The following HSD17B6 variants were observed in gnomAD, a reference collection of about 807,000 sequenced individuals.
HSD17B6 encodes hydroxysteroid 17-beta dehydrogenase 6, also known as 17-beta-hydroxysteroid dehydrogenase type 6.
HSD17B6 carries 16 observed loss-of-function variants against 26.4 expected under a neutral mutation model. The observed-to-expected ratio is 0.61, with a 90% CI of 0.41 to 0.92. The LOEUF (loss-of-function observed/expected upper bound fraction) is 0.92. Among genes scored for constraint, HSD17B6 ranks in the 40% least tolerant of loss-of-function variants. The pLI is 0.00. For missense variants in HSD17B6, 357 were observed against 386.1 expected, an observed-to-expected ratio of 0.92 and a Z score of 0.63; for synonymous variants, 139 against 153.0, an observed-to-expected ratio of 0.91 and a Z score of 0.68.
intron 4 of HSD17B6, chr12:56,786,040 G>A (rs1954866052): frequency 3.0e-6 from 2 of 677,774 alleles, no homozygotes; most frequent in African/African-American, 2.0e-5. Context: ...TTGGGATGAT[G>A]AAAATGTTCT....
chr12:56,781,232 A>G (rs562534051), intron 2 of HSD17B6, among the ~76,000 whole-genome samples: 39 of 152,194 alleles, frequency 2.6e-4, no homozygotes, highest in African/African-American at 9.4e-4. Context: ...CTTATTAGAC[A>G]TATGTTACAT....
chr12:56,783,656 C>T (rs1203427246), intron 3 of HSD17B6, among the ~76,000 whole-genome samples: 1 of 118,854 alleles, frequency 8.4e-6, no homozygotes, highest in African/African-American at 3.6e-5. Context: ...CCCCCCACCT[C>T]CCTCTCGGAC....
In HSD17B6 at chr12:56,764,367, C is replaced by T. The variant is rs149289970; in HGVS notation, c.-20+953C>T. 6.3e-3 allele frequency among the ~76,000 whole-genome samples: 954 copies of T among 152,192 alleles called. 8 individuals are homozygous for T. Among genetic ancestry groups the T allele is most frequent in the Non-Finnish European group, 9.6e-3 (653 of 68,012 alleles). On this transcript the variant is annotated intron_variant, in intron 1 of 4. Transcript: ENST00000322165. ...TGTATTATATTGCAGAGAGAGAGGT[C>T]CTCGCTTGAGACAGAAGGAAGTTAA...
intron 2 of HSD17B6, among the ~76,000 whole-genome samples, chr12:56,778,395 C>T (rs1175324236): frequency 6.6e-6 from 1 of 152,020 alleles, no homozygotes; most frequent in Non-Finnish European, 1.5e-5. Flanking sequence ...TCCAGCGATT[C>T]TGCTGCCTCA....
At chr12:56,768,958 A>G (rs1214974320) in intron 1 of HSD17B6, among the ~76,000 whole-genome samples, 2 of 151,766 alleles carry the variant, frequency 1.3e-5, no homozygotes, top group African/African-American at 4.8e-5. Flanking sequence ...AGGCAAATGA[A>G]ACTGTGAGAG....
At position 56,787,279 on chromosome 12, in the gene HSD17B6, A is replaced by G; in HGVS notation, c.891A>G (p.Leu297=). The G allele has an allele frequency of 6.2e-7, 1 of 1,614,096 alleles. No individual in the cohort carries two copies. The highest frequency in any genetic ancestry group is 8.5e-7 in the Non-Finnish European group (1 of 1,180,006). The change falls in exon 5 of 5, where the codon TTA becomes TTG. Residue 297 remains leucine, a synonymous_variant. Coordinates refer to ENST00000322165, the MANE Select transcript of HSD17B6 (RefSeq NM_003725.4). ...TTTTCTTCATCCCTCTATCTTATTT[A>G]CCTACATCACTGGCAGACTACATTT... ...AKFFFIPLSY[L]PTSLADYILT...
At chr12:56,766,347 G>GTTGGTATC (rs1173474085) in intron 1 of HSD17B6, among the ~76,000 whole-genome samples, 1 of 151,868 alleles carries the variant, frequency 6.6e-6, no homozygotes, top group Non-Finnish European at 1.5e-5. Flanking sequence ...GAGTAGTCTT[G>GTTGGTATC]TTGGTATCTC....
chr12:56,785,566 G>A (rs1190291209), intron 4 of HSD17B6, among the ~76,000 whole-genome samples: 1 of 152,238 alleles, frequency 6.6e-6, no homozygotes, highest in Non-Finnish European at 1.5e-5. Flanking sequence ...CATGGTTGAG[G>A]AGGGGGACAT....
Position 56,787,247 on chromosome 12 carries a change from G to T in HSD17B6, c.859G>T (p.Ala287Ser), listed in dbSNP as rs1184173012. 6.2e-7 allele frequency: 1 copy of T among 1,614,132 alleles called. No homozygotes were observed. Among genetic ancestry groups the T allele is most frequent in the East Asian group, 2.2e-5 (1 of 44,888 alleles). ...AACTCGATATTCAGCTGGCTGGGAT[G>T]CTAAATTTTTCTTCATCCCTCTATC... The part of the protein sequence containing the change: ...PRTRYSAGWD[A>S]KFFFIPLSYL... The change falls in exon 5 of 5, where the codon GCT (alanine) becomes TCT (serine). Residue 287 changes from alanine (A) to serine (S), a missense_variant. Ala to Ser is a moderately conservative substitution (Grantham distance 99). Transcript: ENST00000322165.
intron 1 of HSD17B6, chr12:56,770,560 C>T (rs1039956514): frequency 1.3e-5 from 2 of 152,110 alleles, no homozygotes; most frequent in Non-Finnish European, 2.9e-5. Context: ...TGCTTTTTTT[C>T]TCTCAATTTT....
Position 56,764,223 on chromosome 12 carries a change from T to C in HSD17B6, c.-20+809T>C, listed in dbSNP as rs780285381. Among the ~76,000 whole-genome samples the C allele has an allele frequency of 6.6e-4, 100 of 152,214 alleles. 1 individual carries two copies. Among genetic ancestry groups the C allele is most frequent in the Middle Eastern group, 3.4e-3 (1 of 292 alleles). ...CATGGTGGATCAGTTCAGGGAGCCA[T>C]GTGCTGTTTACAGACTTGCTCTTAG... On this transcript the variant is annotated intron_variant, in intron 1 of 4. Transcript: ENST00000322165.
chr12:56,764,068 C>CAAAAAAAAAAAAAAA (rs71081400), intron 1 of HSD17B6, among the ~76,000 whole-genome samples: 33 of 74,308 alleles, frequency 4.4e-4, no homozygotes, highest in Non-Finnish European at 4.6e-4. Context: ...GACCGTGTCT[C>CAAAAAAAAAAAAAAA]AAAAAAAAAA....
chr12:56,783,272 C>A (rs1954770117), intron 3 of HSD17B6, among the ~76,000 whole-genome samples: 1 of 148,648 alleles, frequency 6.7e-6, no homozygotes, highest in Non-Finnish European at 1.5e-5. Flanking sequence ...GGGGGCTGAC[C>A]CCCCCACCTC....
intron 3 of HSD17B6, among the ~76,000 whole-genome samples, chr12:56,784,296 A>G (rs552036310): frequency 1.3e-5 from 2 of 151,940 alleles, no homozygotes; most frequent in African/African-American, 4.8e-5. Context: ...AGAGGCTGCA[A>G]TCTCGGCATT....
intron 2 of HSD17B6, among the ~76,000 whole-genome samples, chr12:56,776,945 T>A (rs1954606761): frequency 6.6e-6 from 1 of 152,256 alleles, no homozygotes; most frequent in South Asian, 2.1e-4. Flanking sequence ...ATTCTCTTTT[T>A]AAGTTCTATT....
chr12:56,776,585 C>T (rs749306125), intron 2 of HSD17B6, among the ~76,000 whole-genome samples: 1 of 152,172 alleles, frequency 6.6e-6, no homozygotes, highest in South Asian at 2.1e-4. Context: ...GGATTACAGG[C>T]ATGAGCCACC....
Position 56,785,016 on chromosome 12 carries a change from C to T in HSD17B6, c.736C>T (p.Leu246Phe), listed in dbSNP as rs138552005. 192 of 1,606,986 alleles carry T rather than the reference C, an allele frequency of 1.2e-4. 5 individuals are homozygous for T. Among genetic ancestry groups the T allele is most frequent in the African/African-American group, 8.6e-4 (64 of 74,464 alleles). The change falls in exon 4 of 5, where the codon CTT (leucine) becomes TTT (phenylalanine). Residue 246 changes from leucine to phenylalanine, a missense_variant and splice_region_variant. Transcript: ENST00000322165. Reference sequence around the variant, plus strand: ...CTATGGACAGCAGTATTTTGATGCCCGTAAGCTTTTTTCTTTTGATAGGGA... The same window carrying T: ...CTATGGACAGCAGTATTTTGATGCCTGTAAGCTTTTTTCTTTTGATAGGGA... ...ETYGQQYFDA[L>F]YNIMKEGLLN...
At chr12:56,769,568 G>A (rs1339679938) in intron 1 of HSD17B6, among the ~76,000 whole-genome samples, 2 of 152,172 alleles carry the variant, frequency 1.3e-5, no homozygotes, top group Admixed American at 6.5e-5. Flanking sequence ...TAACCAGATA[G>A]CATAGTGTAG....
chr12:56,764,983 C>A (rs753183579), intron 1 of HSD17B6, among the ~76,000 whole-genome samples: 6 of 152,092 alleles, frequency 3.9e-5, no homozygotes, highest in Admixed American at 6.5e-5. Context: ...CGCCATCACA[C>A]CTGACTAATT....
Sources: gnomAD v4.1 joint callset for allele counts (sites outside exome capture counted in the v4.1 genomes callset) on GRCh38, gnomAD v4.1.1 for gene constraint, MANE v1.5 for transcripts, NCBI Gene and HGNC (gene_info 2026-07-23, HGNC 2026-07-21) for gene names.